The following HEG1 variants were observed in gnomAD, a reference collection of about 807,000 sequenced individuals.
The protein encoded by HEG1 is protein HEG homolog 1.
HEG1 carries 56 observed loss-of-function variants against 125.6 expected under a neutral mutation model. The observed-to-expected ratio is 0.45, with a 90% CI of 0.36 to 0.56. HEG1 has a LOEUF of 0.56. HEG1 is among the 20% of genes least tolerant of loss of function. The probability of loss-of-function intolerance (pLI) is 0.00; values close to 1 mark genes in which losing one functional copy is unlikely to be tolerated. For synonymous variants in HEG1, 644 were observed against 668.5 expected (o/e 0.96, Z 0.57); for missense variants, 1,523 against 1,670.0 (o/e 0.91, Z 1.53).
chr3:125,036,536 C>T (rs181035604), intron 1 of HEG1, among the ~76,000 whole-genome samples: 1 of 152,144 alleles, frequency 6.6e-6, no homozygotes, highest in Admixed American at 6.5e-5. Flanking sequence ...GCTATATTTG[C>T]AAAAAGTTGA....
At chr3:125,012,476 T>A in intron 6 of HEG1, 147 bp downstream of exon 6, 3 of 811,576 alleles carry the variant, frequency 3.7e-6, no homozygotes, top group Non-Finnish European at 5.7e-6. Flanking sequence ...TTTAAGTGTT[T>A]CAATAGGAAG....
rs749659857 is a variant in HEG1, at chr3:124,986,358, T to C, written c.3733+4429A>G. Among the ~76,000 whole-genome samples the C allele has an allele frequency of 1.6e-4, 24 of 152,188 alleles. No homozygotes were observed. The South Asian group carries it at 1.7e-3, about 11-fold the overall frequency. ...AGGCCCCTGCTGTCTTGGGTGGCAA[T>C]AATGGGAGTAATAGCGGTGGGCAGT... On this transcript the variant is annotated intron_variant, in intron 14 of 16. Transcript: ENST00000311127.
Position 125,045,050 on chromosome 3 carries a change from G to A in HEG1, c.316+10525C>T, listed in dbSNP as rs544620054. 1.0e-3 allele frequency among the ~76,000 whole-genome samples: 156 copies of A among 152,364 alleles called. 2 individuals are homozygous for A. In the South Asian group the frequency reaches 0.031, roughly 30 times the overall value. ...GCAAGAGACGAAGATGATGGTTTGA[G>A]TGCATTATTGGGAGATTAGTGGGAC... On this transcript the variant is annotated intron_variant, in intron 1 of 16. Transcript: ENST00000311127.
chr3:125,015,095 G>T, intron 5 of HEG1: 2 of 984,538 alleles, frequency 2.0e-6, no homozygotes, highest in Non-Finnish European at 2.6e-6. Flanking sequence ...TTCCTGGGCT[G>T]TGGGAGCCAA....
chr3:125,012,283 C>T (rs1241957866), intron 6 of HEG1, among the ~76,000 whole-genome samples: 2 of 152,208 alleles, frequency 1.3e-5, no homozygotes, highest in African/African-American at 4.8e-5. Context: ...CACTGCCCTC[C>T]TCTGACCTCT....
At chr3:125,044,355 G>T (rs1210437606) in intron 1 of HEG1, among the ~76,000 whole-genome samples, 1 of 152,180 alleles carries the variant, frequency 6.6e-6, no homozygotes, top group Non-Finnish European at 1.5e-5. Flanking sequence ...AAGGACGGGG[G>T]CTGAAAAGAG....
chr3:124,967,166 C>T lies in HEG1; in HGVS notation c.*3486G>A, dbSNP rs1181586144. ...GAGGAAGATGTGTCAGCGTTTAAGA[C>T]ATTCCACTGAATATGTTCCCAATTC... is the stretch of plus-strand genomic sequence containing the variant. On this transcript the variant is annotated 3_prime_UTR_variant, in exon 17 of 17. Coordinates refer to ENST00000311127, the MANE Select transcript of HEG1 (RefSeq NM_020733.2). The T allele has an allele frequency of 1.3e-5, 2 of 152,212 alleles. No homozygotes were observed. Among genetic ancestry groups the T allele is most frequent in the African/African-American group, 4.8e-5 (2 of 41,454 alleles). The allele number at this position is 152,212 out of a possible 1,614,324, so 9.4% of individuals were successfully genotyped here. A position where few individuals can be genotyped will look rare whatever the true frequency, so the allele number is the denominator to read the frequency against.
intron 1 of HEG1, among the ~76,000 whole-genome samples, chr3:125,032,424 G>T (rs1041570283): frequency 6.6e-6 from 1 of 152,222 alleles, no homozygotes; most frequent in African/African-American, 2.4e-5. Flanking sequence ...CCTGGAGGGG[G>T]AGGGAAGTTG....
chr3:124,995,668 C>T (rs189194851), intron 12 of HEG1, among the ~76,000 whole-genome samples: 2 of 152,328 alleles, frequency 1.3e-5, no homozygotes, highest in African/African-American at 4.8e-5. Flanking sequence ...GCCCGGAATC[C>T]ACTCCTCAGA....
At chr3:125,024,847 T>C (rs1937392542) in intron 3 of HEG1, among the ~76,000 whole-genome samples, 1 of 152,242 alleles carries the variant, frequency 6.6e-6, no homozygotes, top group African/African-American at 2.4e-5. Flanking sequence ...TTCCTTCATG[T>C]TCCAAATAAG....
At chr3:124,985,256 A>G (rs1936719769) in intron 14 of HEG1, among the ~76,000 whole-genome samples, 1 of 152,182 alleles carries the variant, frequency 6.6e-6, no homozygotes, top group Admixed American at 6.5e-5. Flanking sequence ...CTTAGTAGTA[A>G]GGAAACATGG....
intron 1 of HEG1, among the ~76,000 whole-genome samples, chr3:125,053,801 A>C (rs897668694): frequency 6.6e-6 from 1 of 152,182 alleles, no homozygotes; most frequent in South Asian, 2.1e-4. Context: ...TAAGGCCCCA[A>C]TTCTTACCAG....
intron 1 of HEG1, among the ~76,000 whole-genome samples, chr3:125,037,569 A>G (rs950315054): frequency 5.3e-5 from 8 of 152,230 alleles, no homozygotes; most frequent in Non-Finnish European, 1.0e-4. Flanking sequence ...CATGGCCATA[A>G]CTGGTAGCCC....
At chr3:125,014,586 T>C (rs1175721662) in intron 5 of HEG1, 13 of 749,918 alleles carry the variant, frequency 1.7e-5, no homozygotes, top group Non-Finnish European at 2.0e-5. Flanking sequence ...ATCTAGAAAG[T>C]TCTCTCCATA....
chr3:124,971,259 G>A (rs1438128352), intron 16 of HEG1: 1 of 435,812 alleles, frequency 2.3e-6, no homozygotes, highest in Non-Finnish European at 4.6e-6. Context: ...TAAGTTGCAG[G>A]AGAGCCCAAT....
At chr3:124,982,528 T>C (rs1331439262) in intron 14 of HEG1, among the ~76,000 whole-genome samples, 6 of 152,238 alleles carry the variant, frequency 3.9e-5, no homozygotes, top group Admixed American at 2.0e-4. Flanking sequence ...TTGGCATTTG[T>C]TGACATTTCA....
At chr3:124,986,411 T>G (rs6786947) in intron 14 of HEG1, among the ~76,000 whole-genome samples, 50,531 of 151,922 alleles carry the variant, frequency 0.33, 8,914 homozygotes, top group East Asian at 0.48. Context: ...GCACAAAACG[T>G]TGAGTGATGA....
At chr3:124,972,938 C>T (rs186014889) in intron 16 of HEG1, among the ~76,000 whole-genome samples, 4 of 152,182 alleles carry the variant, frequency 2.6e-5, no homozygotes, top group Admixed American at 2.6e-4. Context: ...TTGTTGAGGA[C>T]GACATTGAAT....
chr3:125,043,846 A>G (rs1937622216), intron 1 of HEG1, among the ~76,000 whole-genome samples: 1 of 152,124 alleles, frequency 6.6e-6, no homozygotes. Context: ...AAGGCGAGGA[A>G]AAACATCCTG....
Sources: gnomAD v4.1 joint callset for allele counts (sites outside exome capture counted in the v4.1 genomes callset) on GRCh38, gnomAD v4.1.1 for gene constraint, MANE v1.5 for transcripts, NCBI Gene and HGNC (gene_info 2026-07-23, HGNC 2026-07-21) for gene names.